The following PRR5L variants were observed in gnomAD, a reference collection of about 807,000 sequenced individuals.
PRR5L encodes proline-rich protein 5-like.
PRR5L carries 21 observed loss-of-function variants against 36.4 expected under a neutral mutation model. The observed-to-expected ratio is 0.58, with a 90% CI of 0.41 to 0.83. PRR5L has a LOEUF of 0.83. Among genes scored for constraint, PRR5L ranks in the 40% least tolerant of loss-of-function variants. The pLI is 0.00. For missense variants in PRR5L, 381 were observed against 473.3 expected, an observed-to-expected ratio of 0.80 and a Z score of 1.81; for synonymous variants, 188 against 197.0, an observed-to-expected ratio of 0.95 and a Z score of 0.38.
At chr11:36,304,551 G>T (rs190066671) in intron 1 of PRR5L, among the ~76,000 whole-genome samples, 4 of 152,290 alleles carry the variant, frequency 2.6e-5, no homozygotes, top group African/African-American at 9.6e-5. Flanking sequence ...AGCATGAATG[G>T]TCCTTCCTCA....
At chr11:36,375,335 T>G (rs1857243548) in intron 1 of PRR5L, among the ~76,000 whole-genome samples, 1 of 152,110 alleles carries the variant, frequency 6.6e-6, no homozygotes, top group Admixed American at 6.5e-5. Flanking sequence ...CCTTCATCAT[T>G]CTAGGGCTTC....
intron 6 of PRR5L, among the ~76,000 whole-genome samples, chr11:36,441,756 T>C (rs1025409202): frequency 6.6e-6 from 1 of 152,068 alleles, no homozygotes; most frequent in Non-Finnish European, 1.5e-5. Context: ...CACCCAGGCT[T>C]TTCTATACAT....
chr11:36,303,831 A>AT (rs1398809372), intron 1 of PRR5L, among the ~76,000 whole-genome samples: 4 of 152,220 alleles, frequency 2.6e-5, no homozygotes, highest in African/African-American at 4.8e-5. Flanking sequence ...ATCCTTATTG[A>AT]TTTTTAAGAT....
At chr11:36,346,257 A>C (rs943067388) in intron 1 of PRR5L, among the ~76,000 whole-genome samples, 6 of 152,108 alleles carry the variant, frequency 3.9e-5, no homozygotes, top group African/African-American at 1.4e-4. Context: ...TTACAGTATG[A>C]GCCACCGGCC....
intron 7 of PRR5L, among the ~76,000 whole-genome samples, chr11:36,448,608 C>T (rs1204479273): frequency 6.6e-6 from 1 of 152,122 alleles, no homozygotes; most frequent in African/African-American, 2.4e-5. Context: ...TAAACACTGT[C>T]CAGGGAATAT....
rs147075565 is a variant in PRR5L, at chr11:36,299,720, C to T, written c.-126+3282C>T. Among the ~76,000 whole-genome samples, 888 of 152,246 alleles carry T rather than the reference C, an allele frequency of 5.8e-3. 10 individuals carry two copies. Among genetic ancestry groups the T allele is most frequent in the African/African-American group, 0.019 (810 of 41,550 alleles). On this transcript the variant is annotated intron_variant, in intron 1 of 8. Transcript: ENST00000530639. The stretch of plus-strand genomic sequence containing the variant: ...AATTCACCCAAAAGAGATTATTCAG[C>T]GAGTGGCGGGGAGGGGAGTAGAGAT...
chr11:36,424,250 AAT>A (rs1238091974), intron 4 of PRR5L, among the ~76,000 whole-genome samples: 1 of 152,208 alleles, frequency 6.6e-6, no homozygotes, highest in African/African-American at 2.4e-5. Flanking sequence ...AAAGGCTGAA[AAT>A]ATATCACCCG....
intron 8 of PRR5L, among the ~76,000 whole-genome samples, chr11:36,453,560 T>C (rs1858986737): frequency 6.6e-6 from 1 of 152,204 alleles, no homozygotes; most frequent in Non-Finnish European, 1.5e-5. Flanking sequence ...TGGTTAATTT[T>C]AAATTATCAT....
intron 4 of PRR5L, among the ~76,000 whole-genome samples, chr11:36,420,823 T>C (rs1232124579): frequency 7.2e-6 from 1 of 138,712 alleles, no homozygotes; most frequent in East Asian, 2.6e-4. Flanking sequence ...GAATGACATG[T>C]CAGTTGTTTA....
chr11:36,421,307 G>T (rs938271207), intron 4 of PRR5L, among the ~76,000 whole-genome samples: 8 of 152,280 alleles, frequency 5.3e-5, no homozygotes, highest in Non-Finnish European at 1.5e-5. Flanking sequence ...TTGTTTATCT[G>T]GGAAGCCTTG....
rs1458763889 is a variant in PRR5L, at chr11:36,309,233, T to G, written c.-126+12795T>G. On this transcript the variant is annotated intron_variant, in intron 1 of 8. Coordinates refer to ENST00000530639, the MANE Select transcript of PRR5L (RefSeq NM_001160167.2). ...TTCTAAGAACTTTCTATAAACTGTT[T>G]TCTGACCTATTCTCACCAAAACAAG... Among the ~76,000 whole-genome samples the G allele has an allele frequency of 3.9e-5, 6 of 152,336 alleles. No homozygotes were observed. In the East Asian group the frequency reaches 1.2e-3, roughly 29 times the overall value.
At chr11:36,359,908 G>A (rs989661338) in intron 1 of PRR5L, among the ~76,000 whole-genome samples, 2 of 152,010 alleles carry the variant, frequency 1.3e-5, no homozygotes, top group East Asian at 1.9e-4. Context: ...ATGGTGATGC[G>A]CGCCTGTAGT....
intron 1 of PRR5L, among the ~76,000 whole-genome samples, chr11:36,355,214 G>T (rs1430844860): frequency 2.0e-5 from 3 of 152,158 alleles, no homozygotes; most frequent in Admixed American, 2.0e-4. Flanking sequence ...TTTTACGGTG[G>T]CAAAGAGAAA....
intron 1 of PRR5L, among the ~76,000 whole-genome samples, chr11:36,327,142 T>C (rs1856672603): frequency 6.6e-6 from 1 of 152,222 alleles, no homozygotes; most frequent in African/African-American, 2.4e-5. Context: ...TCCTTTACCT[T>C]CTTACATTCA....
chr11:36,462,226 C>T, intron 8 of PRR5L, 116 bp from the exon 9 acceptor site: 6 of 1,024,952 alleles, frequency 5.9e-6, no homozygotes, highest in South Asian at 2.1e-5. Flanking sequence ...AGGGCTGCAC[C>T]TAAGAGCTGC....
chr11:36,385,607 G>A (rs114693619), intron 1 of PRR5L, among the ~76,000 whole-genome samples: 1 of 152,156 alleles, frequency 6.6e-6, no homozygotes, highest in Non-Finnish European at 1.5e-5. Flanking sequence ...CTCTGCACTC[G>A]GTTTCCAGTA....
chr11:36,304,796 A>G lies in PRR5L; in HGVS notation c.-126+8358A>G, dbSNP rs1405044776. On this transcript the variant is annotated intron_variant, in intron 1 of 8. Coordinates refer to ENST00000530639, the MANE Select transcript of PRR5L (RefSeq NM_001160167.2). ...TCATGGTAATAATCTCCCTCTAGCC[A>G]TCAGGGAAAAGCAAATGAAAACCAT... 2.6e-5 allele frequency among the ~76,000 whole-genome samples: 4 copies of G among 152,198 alleles called. No homozygotes were observed. In the East Asian group the frequency reaches 5.8e-4, roughly 22 times the overall value.
chr11:36,351,652 TATATAA>T (rs370921243), intron 1 of PRR5L, among the ~76,000 whole-genome samples: 15,887 of 21,334 alleles, frequency 0.74, 6,955 homozygotes, highest in East Asian at 0.85. Context: ...TTTATATATT[TATATAA>T]ATATATATTT....
intron 4 of PRR5L, among the ~76,000 whole-genome samples, chr11:36,429,365 A>C (rs1047128669): frequency 1.3e-5 from 2 of 152,198 alleles, no homozygotes; most frequent in Non-Finnish European, 2.9e-5. Flanking sequence ...ACCAGGAGCC[A>C]AGGGTACTAA....
Sources: gnomAD v4.1 joint callset for allele counts (sites outside exome capture counted in the v4.1 genomes callset) on GRCh38, gnomAD v4.1.1 for gene constraint, MANE v1.5 for transcripts, NCBI Gene and HGNC (gene_info 2026-07-23, HGNC 2026-07-21) for gene names.